Variants in CTNNA3 observed in about 807,000 individuals in gnomAD.
The protein encoded by CTNNA3 is catenin alpha 3, also known as catenin alpha-3.
A neutral mutation model predicts 95.7 loss-of-function variants in CTNNA3; 76 were observed. That is an observed-to-expected ratio of 0.79 (90% CI 0.66 to 0.96). CTNNA3 has a LOEUF of 0.96. Ranked by LOEUF, CTNNA3 falls within the 40% of genes least tolerant of loss-of-function variation. The probability of loss-of-function intolerance (pLI) is 0.00; values close to 1 mark genes in which losing one functional copy is unlikely to be tolerated. For synonymous variants in CTNNA3, 431 were observed against 374.4 expected, an observed-to-expected ratio of 1.15 and a Z score of -1.74; for missense variants, 1,191 against 1,089.8, an observed-to-expected ratio of 1.09 and a Z score of -1.31.
At chr10:67,413,667 C>A (rs1845452924) in intron 5 of CTNNA3, among the ~76,000 whole-genome samples, 1 of 152,114 alleles carries the variant, frequency 6.6e-6, no homozygotes, top group Non-Finnish European at 1.5e-5. Flanking sequence ...CAAAGATCAA[C>A]CACATGCTCA....
intron 10 of CTNNA3, among the ~76,000 whole-genome samples, chr10:66,601,330 A>G (rs538384886): frequency 3.9e-5 from 6 of 152,098 alleles, no homozygotes; most frequent in African/African-American, 1.4e-4. Context: ...GCCCTCCATT[A>G]GGCAAAAAGT....
intron 13 of CTNNA3, among the ~76,000 whole-genome samples, chr10:66,113,704 C>A (rs995290625): frequency 6.6e-6 from 1 of 152,132 alleles, no homozygotes; most frequent in African/African-American, 2.4e-5. Context: ...TAATGAATAT[C>A]TATTTCAGAA....
chr10:66,626,307 C>G (rs779241650), intron 9 of CTNNA3, among the ~76,000 whole-genome samples: 4 of 152,094 alleles, frequency 2.6e-5, no homozygotes, highest in Admixed American at 2.6e-4. Flanking sequence ...CTCCAGAACA[C>G]GAAGCAAACC....
intron 7 of CTNNA3, among the ~76,000 whole-genome samples, chr10:66,884,107 A>C (rs777070705): frequency 2.6e-5 from 4 of 152,018 alleles, no homozygotes; most frequent in Non-Finnish European, 5.9e-5. Context: ...CTTTTTAACA[A>C]CTAGCTCTAA....
At chr10:65,984,072 C>G (rs986111563) in intron 16 of CTNNA3, among the ~76,000 whole-genome samples, 7 of 151,060 alleles carry the variant, frequency 4.6e-5, no homozygotes, top group African/African-American at 1.5e-4. Flanking sequence ...TATATAATTT[C>G]AAATCTAATG....
chr10:67,077,011 C>T (rs957036538), intron 7 of CTNNA3, among the ~76,000 whole-genome samples: 2 of 152,188 alleles, frequency 1.3e-5, no homozygotes, highest in African/African-American at 2.4e-5. Context: ...TTTCAGGCAA[C>T]GCCCCCAACA....
rs146486259 is a variant in CTNNA3, at chr10:66,721,483, G to A, written c.1281+44781C>T. Among the ~76,000 whole-genome samples the A allele has an allele frequency of 8.1e-4, 123 of 152,200 alleles. 1 individual carries two copies. Among genetic ancestry groups the A allele is most frequent in the African/African-American group, 2.6e-3 (110 of 41,520 alleles). On this transcript the variant is annotated intron_variant, in intron 9 of 17. Coordinates refer to ENST00000433211, the MANE Select transcript of CTNNA3 (RefSeq NM_013266.4). Reference sequence around the variant, plus strand: ...AGCCTCAACATCATTTTACTAATGGGCATAAATAATTCTAAAATTTGGAAA... The same window carrying A: ...AGCCTCAACATCATTTTACTAATGGACATAAATAATTCTAAAATTTGGAAA...
At chr10:67,411,849 T>G (rs759146845) in intron 5 of CTNNA3, among the ~76,000 whole-genome samples, 124 of 152,082 alleles carry the variant, frequency 8.2e-4, no homozygotes, top group Non-Finnish European at 1.2e-3. Context: ...TTGTGCAAAA[T>G]ATTTCTGTCT....
intron 10 of CTNNA3, among the ~76,000 whole-genome samples, chr10:66,525,931 C>T (rs1841242145): frequency 6.6e-6 from 1 of 151,992 alleles, no homozygotes; most frequent in Non-Finnish European, 1.5e-5. Flanking sequence ...GGCTTATTTC[C>T]CTTAACATAA....
intron 14 of CTNNA3, among the ~76,000 whole-genome samples, chr10:66,080,352 A>G (rs545977983): frequency 2.8e-4 from 42 of 152,270 alleles, no homozygotes; most frequent in African/African-American, 9.9e-4. Context: ...TTGTATAACT[A>G]TTCCCTTCTT....
chr10:66,692,930 C>A (rs552450409), intron 9 of CTNNA3, among the ~76,000 whole-genome samples: 21 of 152,214 alleles, frequency 1.4e-4, no homozygotes, highest in African/African-American at 4.1e-4. Flanking sequence ...TTTGTCACCA[C>A]CAGGCCTGCC....
chr10:66,982,399 TCA>T (rs1564811065), intron 7 of CTNNA3, among the ~76,000 whole-genome samples: 1 of 152,148 alleles, frequency 6.6e-6, no homozygotes, highest in Non-Finnish European at 1.5e-5. Flanking sequence ...TCTCTAAATC[TCA>T]GTTTTTTCAC....
At chr10:67,556,408 C>G (rs1841256308) in intron 3 of CTNNA3, among the ~76,000 whole-genome samples, 1 of 151,950 alleles carries the variant, frequency 6.6e-6, no homozygotes, top group African/African-American at 2.4e-5. Flanking sequence ...TTGGTAGGCT[C>G]TTAATTATTG....
intron 1 of CTNNA3, among the ~76,000 whole-genome samples, chr10:67,733,412 C>G (rs1289647803): frequency 6.6e-6 from 1 of 152,148 alleles, no homozygotes. Context: ...GTTCCTCAAC[C>G]TACTCTACAT....
rs369449859 is a variant in CTNNA3 at position 67,180,494 on chromosome 10, T to G, written c.870A>C (p.Thr290=). ...ATGGTCGTATTTCCTCCTCAGTTAC[T>G]GTGAGTGGATTCAGGACAATTAAAT... ...LENLIVLNPL[T]VTEEEIRPSL... is the part of the protein sequence containing the mutation. The change falls in exon 7 of 18, where the codon ACA becomes ACC. Residue 290 remains threonine, a synonymous_variant. Transcript: ENST00000433211. 5.0e-6 allele frequency: 8 copies of G among 1,613,662 alleles called. No individual in the cohort carries two copies. The highest frequency in any genetic ancestry group is 6.8e-6 in the Non-Finnish European group (8 of 1,179,668).
chr10:66,309,458 C>G (rs568099091), intron 12 of CTNNA3, among the ~76,000 whole-genome samples: 2 of 151,620 alleles, frequency 1.3e-5, no homozygotes, highest in Admixed American at 6.6e-5. Context: ...TTTGGGAGGC[C>G]AAGGCGGGCA....
At chr10:66,741,032 T>C (rs1486888149) in intron 9 of CTNNA3, among the ~76,000 whole-genome samples, 1 of 152,212 alleles carries the variant, frequency 6.6e-6, no homozygotes, top group Non-Finnish European at 1.5e-5. Context: ...AAACAACCAT[T>C]CCAAATACAC....
intron 13 of CTNNA3, among the ~76,000 whole-genome samples, chr10:66,274,586 A>G (rs541586016): frequency 2.0e-5 from 3 of 152,220 alleles, no homozygotes; most frequent in African/African-American, 4.8e-5. Context: ...AATTAGCCCT[A>G]ATTTGTAATT....
chr10:66,087,200 T>A (rs762218765), intron 14 of CTNNA3, among the ~76,000 whole-genome samples: 1 of 151,918 alleles, frequency 6.6e-6, no homozygotes, highest in African/African-American at 2.4e-5. Flanking sequence ...TCAAACACCA[T>A]CTCCTCAAGC....
Sources: allele counts gnomAD v4.1 joint callset (sites outside exome capture counted in the v4.1 genomes callset), GRCh38; gene constraint gnomAD v4.1.1; transcripts MANE v1.5; gene names NCBI Gene and HGNC (gene_info 2026-07-23, HGNC 2026-07-21).